RBP2: variants seen among roughly 807,000 people sequenced by gnomAD.
The protein encoded by RBP2 is retinol binding protein 2, also known as retinol-binding protein 2.
In RBP2, 17 loss-of-function variants were observed where a neutral mutation model predicts 17.0. The observed-to-expected ratio is 1.00, with a 90% confidence interval of 0.68 to 1.50. The LOEUF (loss-of-function observed/expected upper bound fraction) is 1.50. Ranked by LOEUF, RBP2 falls within the 40% of genes most tolerant of loss-of-function variation. The pLI, the probability that RBP2 is intolerant of heterozygous loss-of-function variation, is 0.00. For missense variants in RBP2, 158 were observed against 168.2 expected (o/e 0.94, Z 0.33); for synonymous variants, 48 against 57.1 (o/e 0.84, Z 0.72).
chr3:139,472,312 C>A (rs1037726166), intron 1 of RBP2, among the ~76,000 whole-genome samples: 5 of 152,250 alleles, frequency 3.3e-5, no homozygotes, highest in Middle Eastern at 6.3e-3. Context: ...TAAATGGCTG[C>A]AATAACACCT....
chr3:139,458,231 A>C (rs1933046263), intron 2 of RBP2, among the ~76,000 whole-genome samples: 1 of 152,058 alleles, frequency 6.6e-6, no homozygotes, highest in Admixed American at 6.6e-5. Context: ...CTTTAAGAGC[A>C]TTGAAGGACA....
chr3:139,475,048 G>A (rs1933688974), intron 1 of RBP2, among the ~76,000 whole-genome samples: 1 of 152,090 alleles, frequency 6.6e-6, no homozygotes, highest in African/African-American at 2.4e-5. Flanking sequence ...GAGGCCGGGT[G>A]CGGTGGCTCA....
intron 3 of RBP2, among the ~76,000 whole-genome samples, 194 bp from the exon 4 acceptor site, chr3:139,453,360 T>C (rs1048163316): frequency 1.3e-5 from 2 of 152,202 alleles, no homozygotes; most frequent in Admixed American, 1.3e-4. Context: ...GACACTTGAA[T>C]TGAGCTTGAA....
At chr3:139,459,400 A>ATATATATATGTGTGTGTGTGTG (rs111417242) in intron 2 of RBP2, among the ~76,000 whole-genome samples, 1 of 128,552 alleles carries the variant, frequency 7.8e-6, no homozygotes, top group Non-Finnish European at 1.6e-5. Context: ...TACTATATAT[A>ATATATATATGTGTGTGTGTGTG]TGTGTGTGTG....
Position 139,459,656 on chromosome 3 carries a change from A to ATT in RBP2, c.252+2455_252+2456insAA, listed in dbSNP as rs141785922. 5.4e-3 allele frequency among the ~76,000 whole-genome samples: 813 copies of ATT among 151,554 alleles called. 11 individuals carry two copies. In the East Asian group the frequency reaches 0.072, roughly 13 times the overall value. Reference sequence around the variant, plus strand: ...AAAAAGAAAGAAATTAATCAGAGAAAGAGATTTGCCCACTGTCTAGCACCC... The same window carrying ATT: ...AAAAAGAAAGAAATTAATCAGAGAAATTGAGATTTGCCCACTGTCTAGCACCC... On this transcript the variant is annotated intron_variant, in intron 2 of 3. Coordinates refer to ENST00000232217, the MANE Select transcript of RBP2 (RefSeq NM_004164.3).
chr3:139,458,607 A>G (rs944788006), intron 2 of RBP2, among the ~76,000 whole-genome samples: 3 of 152,192 alleles, frequency 2.0e-5, no homozygotes, highest in Admixed American at 6.5e-5. Flanking sequence ...CCTATGTACT[A>G]GCAATCACCA....
intron 2 of RBP2, among the ~76,000 whole-genome samples, chr3:139,460,161 G>T (rs1162827276): frequency 6.6e-6 from 1 of 152,216 alleles, no homozygotes; most frequent in East Asian, 1.9e-4. Flanking sequence ...ATTTTGCACT[G>T]ATTGGGTTGG....
chr3:139,472,167 T>C (rs1026973017), intron 1 of RBP2, among the ~76,000 whole-genome samples: 20 of 152,192 alleles, frequency 1.3e-4, no homozygotes, highest in Non-Finnish European at 2.6e-4. Flanking sequence ...AAGCCTTTAC[T>C]GACTCCATGT....
chr3:139,454,697 T>C, intron 3 of RBP2, 32 bp downstream of exon 3: 3 of 1,604,448 alleles, frequency 1.9e-6, no homozygotes, highest in Non-Finnish European at 2.6e-6. Context: ...GTAAGCACAA[T>C]GGAAGTGAGC....
intron 1 of RBP2, among the ~76,000 whole-genome samples, chr3:139,462,558 A>ACACACACACACACACACAC (rs1933225306): frequency 2.5e-5 from 3 of 121,348 alleles, no homozygotes; most frequent in African/African-American, 7.5e-5. Flanking sequence ...GCAGCTCCCC[A>ACACACACACACACACACAC]ACACACACAC....
chr3:139,472,172 C>A (rs1283802502), intron 1 of RBP2, among the ~76,000 whole-genome samples: 1 of 152,194 alleles, frequency 6.6e-6, no homozygotes, highest in Non-Finnish European at 1.5e-5. Context: ...TTTACTGACT[C>A]CATGTACTGT....
intron 1 of RBP2, among the ~76,000 whole-genome samples, chr3:139,465,053 A>G (rs909230966): frequency 2.0e-5 from 3 of 152,220 alleles, no homozygotes; most frequent in African/African-American, 7.2e-5. Flanking sequence ...AGGTCAGTCT[A>G]CTTGTCTAAA....
At chr3:139,455,447 A>G (rs775510261) in intron 2 of RBP2, among the ~76,000 whole-genome samples, 1 of 152,226 alleles carries the variant, frequency 6.6e-6, no homozygotes, top group Non-Finnish European at 1.5e-5. Context: ...TCAAAGATCA[A>G]AGAGTTTGAT....
intron 2 of RBP2, among the ~76,000 whole-genome samples, chr3:139,459,459 A>AATAT (rs1388893425): frequency 8.9e-6 from 1 of 112,374 alleles, no homozygotes; most frequent in African/African-American, 3.4e-5. Flanking sequence ...TTTATATATA[A>AATAT]ATATATATAT....
intron 1 of RBP2, among the ~76,000 whole-genome samples, chr3:139,464,942 G>A (rs907031563): frequency 6.6e-6 from 1 of 152,140 alleles, no homozygotes; most frequent in Admixed American, 6.5e-5. Context: ...GTCCATAGGA[G>A]GCTGTTTGGA....
intron 2 of RBP2, among the ~76,000 whole-genome samples, chr3:139,461,612 T>A (rs536934875): frequency 6.6e-6 from 1 of 152,174 alleles, no homozygotes; most frequent in African/African-American, 2.4e-5. Context: ...ATAATTGAGA[T>A]GTTTCATTTT....
At chr3:139,466,028 A>G (rs1398113563) in intron 1 of RBP2, among the ~76,000 whole-genome samples, 1 of 152,168 alleles carries the variant, frequency 6.6e-6, no homozygotes, top group Non-Finnish European at 1.5e-5. Context: ...CATGGGGTAC[A>G]GCTCCATCGG....
intron 1 of RBP2, among the ~76,000 whole-genome samples, chr3:139,472,568 A>G (rs1215529944): frequency 2.6e-5 from 4 of 152,208 alleles, no homozygotes; most frequent in African/African-American, 9.6e-5. Flanking sequence ...CCACATGTAG[A>G]TGCTGAAGGC....
chr3:139,475,093 G>A (rs937982411), intron 1 of RBP2, among the ~76,000 whole-genome samples: 8 of 151,914 alleles, frequency 5.3e-5, no homozygotes, highest in African/African-American at 1.5e-4. Context: ...AGGCCGAGGC[G>A]GGTGGATCAC....
Sources: allele counts gnomAD v4.1 joint callset (sites outside exome capture counted in the v4.1 genomes callset), GRCh38; gene constraint gnomAD v4.1.1; transcripts MANE v1.5; gene names NCBI Gene and HGNC (gene_info 2026-07-23, HGNC 2026-07-21).